Variants in TTC3 observed in about 807,000 individuals in gnomAD.
TTC3 encodes E3 ubiquitin-protein ligase TTC3.
In TTC3, 180 loss-of-function variants were observed where a neutral mutation model predicts 249.6. That is an observed-to-expected ratio of 0.72 (90% CI 0.64 to 0.82). TTC3 has a LOEUF of 0.82. TTC3 is among the 40% of genes least tolerant of loss of function. The pLI is 0.00. For missense variants in TTC3, 2,061 were observed against 2,398.4 expected (o/e 0.86, Z 2.94); for synonymous variants, 717 against 805.0 (o/e 0.89, Z 1.85).
intron 20 of TTC3, among the ~76,000 whole-genome samples, chr21:37,142,644 T>G (rs972610546): frequency 6.6e-6 from 1 of 152,194 alleles, no homozygotes; most frequent in Non-Finnish European, 1.5e-5. Context: ...ATAGGAAGAA[T>G]CAATATCGTG....
At chr21:37,179,043 A>G (rs1454192118) in intron 35 of TTC3, among the ~76,000 whole-genome samples, 2 of 152,138 alleles carry the variant, frequency 1.3e-5, no homozygotes, top group Non-Finnish European at 2.9e-5. Flanking sequence ...AGGCTAAGGC[A>G]GGAGGATTGC....
rs1293693791 is a variant in TTC3 at position 37,086,266 on chromosome 21, A to G, written c.-11-981A>G. On this transcript the variant is annotated intron_variant, in intron 1 of 45. Transcript: ENST00000355666. Reference sequence around the variant, plus strand: ...TTTATCCTAATAATAGTAGGATAATAATGGTGAAGTGATAGGTACAAGTAA... The same window carrying G: ...TTTATCCTAATAATAGTAGGATAATGATGGTGAAGTGATAGGTACAAGTAA... 3 of 152,304 alleles carry G rather than the reference A, an allele frequency of 2.0e-5. No homozygotes were observed. In the East Asian group the frequency reaches 5.8e-4, roughly 29 times the overall value. The allele number at this position is 152,304 out of a possible 1,614,324, so 9.4% of individuals were successfully genotyped here. A position where few individuals can be genotyped will look rare whatever the true frequency, so the allele number is the denominator to read the frequency against.
chr21:37,134,742 A>G (rs2077774581), intron 17 of TTC3, among the ~76,000 whole-genome samples: 1 of 152,352 alleles, frequency 6.6e-6, no homozygotes, highest in East Asian at 1.9e-4. Flanking sequence ...GCGTATTCAA[A>G]TTACAAAGTT....
chr21:37,074,122 G>A (rs1306278874), intron 1 of TTC3, among the ~76,000 whole-genome samples: 1 of 152,220 alleles, frequency 6.6e-6, no homozygotes, highest in Non-Finnish European at 1.5e-5. Flanking sequence ...GTGTGAACTG[G>A]CAGTCCAGTC....
intron 25 of TTC3, among the ~76,000 whole-genome samples, chr21:37,151,099 T>G (rs2079422986): frequency 6.6e-6 from 1 of 152,156 alleles, no homozygotes; most frequent in Non-Finnish European, 1.5e-5. Context: ...GAATTATTTA[T>G]CTAGTGGTTG....
chr21:37,175,135 G>T (rs900560519), intron 35 of TTC3, among the ~76,000 whole-genome samples: 12 of 151,164 alleles, frequency 7.9e-5, no homozygotes, highest in South Asian at 6.3e-4. Flanking sequence ...ATGGTGGTGG[G>T]TGTCTGTAGT....
intron 35 of TTC3, among the ~76,000 whole-genome samples, chr21:37,175,597 CAAAAAAA>C (rs1175943574): frequency 1.9e-4 from 8 of 42,852 alleles, no homozygotes; most frequent in Admixed American, 8.4e-4. Flanking sequence ...GACTCCATCT[CAAAAAAA>C]AAAAAAAAAA....
At chr21:37,193,140 T>G (rs916024882) in intron 41 of TTC3, among the ~76,000 whole-genome samples, 5 of 152,164 alleles carry the variant, frequency 3.3e-5, no homozygotes, top group African/African-American at 4.8e-5. Context: ...GCACCTGACT[T>G]CCACCCTCCC....
At chr21:37,098,961 A>C (rs1408660030) in intron 10 of TTC3, 1 of 152,150 alleles carries the variant, frequency 6.6e-6, no homozygotes, top group Non-Finnish European at 1.5e-5. Context: ...GGGGTAAAGC[A>C]TCCACCCTCC....
rs1426190454 is a variant in TTC3, at chr21:37,150,931, A to C, written c.2276+47A>C. 3 of 1,331,790 alleles carry C rather than the reference A, an allele frequency of 2.3e-6. No individual in the cohort carries two copies. The South Asian group carries it at 3.9e-5, about 17-fold the overall frequency. 82.5% of individuals were successfully genotyped at this position (1,331,790 alleles called of 1,614,324 possible). ...CAGTGGTTTGATGATGTCTCTTAGA[A>C]TATAATTCTATTAAATGCAGATTTC... On this transcript the variant is annotated intron_variant, in intron 25 of 45. Coordinates refer to ENST00000355666, the Ensembl canonical transcript of TTC3.
At chr21:37,111,462 A>T (rs1453401811) in intron 11 of TTC3, among the ~76,000 whole-genome samples, 1 of 152,232 alleles carries the variant, frequency 6.6e-6, no homozygotes, top group Non-Finnish European at 1.5e-5. Context: ...AGGCCATTAC[A>T]TAATGGTAAA....
chr21:37,200,100 G>A, intron 44 of TTC3, 132 bp from the exon 45 acceptor site: 1 of 629,476 alleles, frequency 1.6e-6, no homozygotes, highest in Non-Finnish European at 2.7e-6. Context: ...TCCTCAGACT[G>A]TTTAGCTGTA....
rs776091922 is a variant in TTC3 at position 37,195,906 on chromosome 21, G to A, written c.5449G>A (p.Glu1817Lys). 1.2e-6 allele frequency: 2 copies of A among 1,614,262 alleles called. No individual in the cohort carries two copies. The highest frequency in any genetic ancestry group is 2.7e-5 in the African/African-American group (2 of 75,080). Residue 1817 changes from glutamate (E) to lysine (K), a missense_variant, in exon 42 of 46, where the codon GAA becomes AAA. Transcript: ENST00000355666. ...ACGGGCTGGCCAGGCAGCTCTGTCA[G>A]AACGAAGCCCTGTGGCTGATCGGAA...
At chr21:37,173,743 GTAACTGTCA>G (rs2082003693) in intron 35 of TTC3, among the ~76,000 whole-genome samples, 1 of 152,120 alleles carries the variant, frequency 6.6e-6, no homozygotes, top group African/African-American at 2.4e-5. Flanking sequence ...GTTTGTAAAG[GTAACTGTCA>G]TAACATTCCC....
At chr21:37,107,285 A>G (rs938061336) in intron 10 of TTC3, among the ~76,000 whole-genome samples, 3 of 152,240 alleles carry the variant, frequency 2.0e-5, no homozygotes, top group Non-Finnish European at 2.9e-5. Flanking sequence ...GATAGGAACA[A>G]TTGAACAAGT....
chr21:37,144,242 T>TA (rs377025235), intron 20 of TTC3, among the ~76,000 whole-genome samples: 4 of 150,552 alleles, frequency 2.7e-5, no homozygotes, highest in African/African-American at 4.9e-5. Context: ...TAAAGTATAA[T>TA]AAAAAAAATA....
intron 35 of TTC3, among the ~76,000 whole-genome samples, chr21:37,178,658 T>C (rs1206228893): frequency 6.6e-6 from 1 of 152,200 alleles, no homozygotes; most frequent in Admixed American, 6.5e-5. Flanking sequence ...CTTTCTATTA[T>C]TGACTTATAA....
Position 37,076,694 on chromosome 21 carries a change from ATT to A in TTC3, c.-12+3355_-12+3356del, listed in dbSNP as rs61629167. Among the ~76,000 whole-genome samples, 450 of 94,980 alleles carry A rather than the reference ATT, an allele frequency of 4.7e-3. 6 individuals carry two copies. Among genetic ancestry groups the A allele is most frequent in the African/African-American group, 0.02 (428 of 21,210 alleles). 62.3% of individuals were successfully genotyped at this position (94,980 alleles called of 152,430 possible). The stretch of plus-strand genomic sequence containing the variant: ...AAACTCCCTTGGGGAAAACAAAGGG[ATT>A]TTTTTTTTTTTTTTTTTTTTTTTTG... On this transcript the variant is annotated intron_variant, in intron 1 of 45. Coordinates refer to ENST00000355666, the Ensembl canonical transcript of TTC3.
intron 18 of TTC3, 77 bp from the exon 19 acceptor site, chr21:37,138,556 CT>C (rs1339579664): frequency 1.1e-6 from 1 of 931,196 alleles, no homozygotes; most frequent in African/African-American, 1.6e-5. Flanking sequence ...TTCTATTACA[CT>C]TCTTTTTCTG....
Sources: gnomAD v4.1 joint callset for allele counts (sites outside exome capture counted in the v4.1 genomes callset) on GRCh38, gnomAD v4.1.1 for gene constraint, MANE v1.5 for transcripts, NCBI Gene and HGNC (gene_info 2026-07-23, HGNC 2026-07-21) for gene names.